Variants in PDZD9 observed in about 807,000 individuals in gnomAD.
PDZD9 encodes the protein PDZ domain-containing protein 9.
A neutral mutation model predicts 16.3 loss-of-function variants in PDZD9; 13 were observed. The observed-to-expected ratio is 0.80, with a 90% confidence interval of 0.52 to 1.27. PDZD9 has a LOEUF of 1.27. Among genes scored for constraint, PDZD9 ranks in the 50% most tolerant of loss-of-function variants. The pLI is 0.00. For missense variants in PDZD9, 288 were observed against 310.9 expected, an observed-to-expected ratio of 0.93 and a Z score of 0.55; for synonymous variants, 120 against 111.0, an observed-to-expected ratio of 1.08 and a Z score of -0.51.
the PDZD9 span, among the ~76,000 whole-genome samples, chr16:21,975,867 G>A: frequency 6.6e-6 from 1 of 152,114 alleles, no homozygotes; most frequent in African/African-American, 2.4e-5. Flanking sequence ...AAGGTGGGAG[G>A]ATCACTTGAG....
chr16:21,977,852 A>C, the PDZD9 span, among the ~76,000 whole-genome samples: 1 of 152,216 alleles, frequency 6.6e-6, no homozygotes, highest in African/African-American at 2.4e-5. Flanking sequence ...TGTTATGCTG[A>C]GCACACTACA....
At chr16:21,966,014 T>C in the PDZD9 span, among the ~76,000 whole-genome samples, 4 of 152,008 alleles carry the variant, frequency 2.6e-5, no homozygotes, top group Non-Finnish European at 5.9e-5. Context: ...TATTTAAATG[T>C]TTAAGTATCA....
chr16:21,984,967 T>A (rs1898840656), intron 3 of PDZD9, among the ~76,000 whole-genome samples: 3 of 152,218 alleles, frequency 2.0e-5, no homozygotes, highest in Admixed American at 6.5e-5. Context: ...TCACTGCAGC[T>A]AAAGTGACGG....
the PDZD9 span, among the ~76,000 whole-genome samples, chr16:21,969,944 T>A: frequency 1.3e-5 from 2 of 151,948 alleles, no homozygotes; most frequent in South Asian, 4.1e-4. Flanking sequence ...CAATCATAGC[T>A]CACTGCCTTG....
chr16:21,984,883 C>G (rs185572349), intron 3 of PDZD9, among the ~76,000 whole-genome samples: 68 of 152,226 alleles, frequency 4.5e-4, no homozygotes, highest in Admixed American at 1.6e-3. Context: ...TTCACCATAC[C>G]TTAAAAAGTT....
intron 3 of PDZD9, among the ~76,000 whole-genome samples, chr16:21,986,736 C>T (rs528482367): frequency 3.3e-4 from 51 of 152,296 alleles, no homozygotes; most frequent in Middle Eastern, 3.4e-3. Context: ...ACTGATTACA[C>T]AGATTATTTC....
At chr16:21,961,979 A>G in the PDZD9 span, among the ~76,000 whole-genome samples, 1 of 152,032 alleles carries the variant, frequency 6.6e-6, no homozygotes, top group Admixed American at 6.6e-5. Context: ...TTAAGTGTGC[A>G]GTTAAGTGGC....
At chr16:21,962,161 GAATCAT>G in the PDZD9 span, 1 of 325,640 alleles carries the variant, frequency 3.1e-6, no homozygotes, top group Non-Finnish European at 5.8e-6. Flanking sequence ...CTCATAAGTA[GAATCAT>G]ACAATATTTG....
chr16:21,996,312 G>A lies in PDZD9; in HGVS notation c.211+10C>T. On this transcript the variant is annotated intron_variant, in intron 2 of 3. Transcript: ENST00000424898. ...TGGGTGGTTGGGAAGCATGGCGAAAGGGCAATCACCTGGCTGGAGTTTCCC... is the reference window on the plus strand; with the variant it reads ...TGGGTGGTTGGGAAGCATGGCGAAAAGGCAATCACCTGGCTGGAGTTTCCC... 1 of 1,533,344 alleles carries A rather than the reference G, an allele frequency of 6.5e-7. No individual in the cohort carries two copies. The highest frequency in any genetic ancestry group is 1.2e-5 in the South Asian group (1 of 83,828). The allele number at this position is 1,533,344 out of a possible 1,614,324, so 95.0% of individuals were successfully genotyped here. A position where few individuals can be genotyped will look rare whatever the true frequency, so the allele number is the denominator to read the frequency against.
At chr16:21,976,083 T>G in the PDZD9 span, 41 of 875,706 alleles carry the variant, frequency 4.7e-5, no homozygotes, top group African/African-American at 6.6e-4. Flanking sequence ...CCATCTGTGT[T>G]TTTGCCTCAG....
chr16:21,965,475 C>T, the PDZD9 span: 1,596 of 1,608,898 alleles, frequency 9.9e-4, 2 homozygotes, highest in Non-Finnish European at 1.3e-3. Context: ...ATTGTCCTGA[C>T]TATAGGATTG....
the PDZD9 span, chr16:21,965,477 A>G: frequency 1.2e-6 from 2 of 1,608,010 alleles, no homozygotes; most frequent in Non-Finnish European, 1.7e-6. Context: ...TGTCCTGACT[A>G]TAGGATTGGA....
chr16:21,995,534 G>A (rs1223296094), intron 2 of PDZD9, among the ~76,000 whole-genome samples: 1 of 152,014 alleles, frequency 6.6e-6, no homozygotes, highest in African/African-American at 2.4e-5. Flanking sequence ...GAATTAATAT[G>A]CCCAACAGTG....
At chr16:21,979,292 C>T (rs1898658164), downstream of PDZD9, among the ~76,000 whole-genome samples, 1 of 152,110 alleles carries the variant, frequency 6.6e-6, no homozygotes, top group African/African-American at 2.4e-5. Flanking sequence ...TGCCATGGAT[C>T]AATTATAATT....
chr16:21,969,129 G>A, the PDZD9 span, among the ~76,000 whole-genome samples: 2 of 152,174 alleles, frequency 1.3e-5, no homozygotes, highest in African/African-American at 4.8e-5. Flanking sequence ...AAAATTAAAA[G>A]ATGGACTCTG....
At chr16:21,983,034 G>C (rs973328890), downstream of PDZD9, 1 of 1,495,646 alleles carries the variant, frequency 6.7e-7, no homozygotes, top group Non-Finnish European at 9.2e-7. Flanking sequence ...TCGCCTGCTT[G>C]ATGATATATA....
the PDZD9 span, among the ~76,000 whole-genome samples, chr16:21,958,095 G>A: frequency 3.9e-4 from 59 of 152,120 alleles, 1 homozygote; most frequent in Middle Eastern, 0.017. Flanking sequence ...ATTTGGGGGG[G>A]AACACTGTTA....
the PDZD9 span, chr16:21,961,253 AC>A: frequency 2.5e-6 from 1 of 394,024 alleles, no homozygotes; most frequent in South Asian, 1.8e-5. Context: ...ATATTGAAAA[AC>A]CCCACAGTTT....
chr16:21,979,563 T>G (rs947962291), downstream of PDZD9, among the ~76,000 whole-genome samples: 16 of 152,168 alleles, frequency 1.1e-4, no homozygotes, highest in African/African-American at 3.6e-4. Context: ...AAGGTAAGTA[T>G]TTGTGCATCT....
Sources: allele counts gnomAD v4.1 joint callset (sites outside exome capture counted in the v4.1 genomes callset), GRCh38; gene constraint gnomAD v4.1.1; transcripts MANE v1.5; gene names NCBI Gene and HGNC (gene_info 2026-07-23, HGNC 2026-07-21).